Variants in FBN3 observed in about 807,000 individuals in gnomAD.
The protein encoded by FBN3 is fibrillin 3.
In FBN3, 234 loss-of-function variants were observed where a neutral mutation model predicts 330.1. The ratio of observed to expected loss-of-function variants is 0.71; its 90% confidence interval spans 0.64 to 0.79. The LOEUF (loss-of-function observed/expected upper bound fraction) is 0.79. FBN3 is among the 30% of genes least tolerant of loss of function. The pLI, the probability that FBN3 is intolerant of heterozygous loss-of-function variation, is 0.00. For synonymous variants in FBN3, 1,458 were observed against 1,517.3 expected, an observed-to-expected ratio of 0.96 and a Z score of 0.91; for missense variants, 3,606 against 3,886.9, an observed-to-expected ratio of 0.93 and a Z score of 1.92.
At chr19:8,144,856 C>T (rs920031725) in intron 6 of FBN3, 21 bp downstream of exon 6, 20 of 1,569,176 alleles carry the variant, frequency 1.3e-5, no homozygotes, top group African/African-American at 4.0e-5. Context: ...TGTCTACCTC[C>T]CACCCGCGCA....
chr19:8,093,215 T>TGGTG (rs1451312825), intron 47 of FBN3, among the ~76,000 whole-genome samples: 1 of 152,104 alleles, frequency 6.6e-6, no homozygotes, highest in African/African-American at 2.4e-5. Context: ...AGGCCGGGCA[T>TGGTG]GGTGACTCAT....
intron 38 of FBN3, among the ~76,000 whole-genome samples, 168 bp downstream of exon 38, chr19:8,105,940 T>A (rs2082427645): frequency 6.6e-6 from 1 of 152,024 alleles, no homozygotes; most frequent in African/African-American, 2.4e-5. Flanking sequence ...GCCATGAACA[T>A]CTTAAAGGCA....
Position 8,129,132 on chromosome 19 carries a change from T to C in FBN3, c.2192A>G (p.Asn731Ser). ...DCTDVDECAL[N>S]SLLCDNGWCQ... is the part of the protein sequence containing the mutation. ...CCACCCGTTGTCACACAGGAGGCTGTTGAGGGCACACTCATCCACGTCTGT... is the reference window on the plus strand; with the variant it reads ...CCACCCGTTGTCACACAGGAGGCTGCTGAGGGCACACTCATCCACGTCTGT... Residue 731 changes from asparagine to serine, a missense_variant, in exon 18 of 64, where the codon AAC becomes AGC. Asn to Ser is a conservative substitution (Grantham distance 46, BLOSUM62 1). Transcript: ENST00000600128. This position sits in a 1 kb window ranked among gnomAD's most constrained non-coding sequence, Gnocchi z 4.5. The C allele has an allele frequency of 6.2e-7, 1 of 1,612,938 alleles. No homozygotes were observed. Among genetic ancestry groups the C allele is most frequent in the South Asian group, 1.1e-5 (1 of 90,986 alleles).
In FBN3 at chr19:8,141,987, G is replaced by A. The variant is rs1163725388; in HGVS notation, c.692C>T (p.Pro231Leu). ...PCELCPAQPH[P>L]CRRGFIPNIH... ...ATTGGGGATGAAGCCGCGGCGGCAG[G>A]GGTGTGGCTGTGCAGGGCAAAGTTC... Residue 231 changes from proline to leucine, a missense_variant, in exon 7 of 64, where the codon CCC becomes CTC. Physicochemically the swap from Pro to Leu is moderately conservative, Grantham distance 98. Transcript: ENST00000600128. The A allele has an allele frequency of 6.2e-7, 1 of 1,614,046 alleles. No individual in the cohort carries two copies. Among genetic ancestry groups the A allele is most frequent in the Non-Finnish European group, 8.5e-7 (1 of 1,180,016 alleles).
intron 26 of FBN3, among the ~76,000 whole-genome samples, chr19:8,118,626 C>T (rs2082764592): frequency 1.3e-5 from 2 of 152,152 alleles, no homozygotes; most frequent in Admixed American, 1.3e-4. Flanking sequence ...CACACAGTCA[C>T]ACAAATGCAC....
chr19:8,095,946 C>A lies in FBN3; in HGVS notation c.5656+18G>T, dbSNP rs1318380047. On this transcript the variant is annotated intron_variant, in intron 45 of 63. Transcript: ENST00000600128. ...GAGAACCCACTTTGTGGCCAGCCTG[C>A]CACCTGAGCCGACTCACCCACACAA... The A allele has an allele frequency of 6.5e-7, 1 of 1,540,768 alleles. No homozygotes were observed. The highest frequency in any genetic ancestry group is 1.1e-5 in the South Asian group (1 of 89,332).
At chr19:8,103,933 C>T (rs1411137556) in intron 38 of FBN3, among the ~76,000 whole-genome samples, 1 of 151,130 alleles carries the variant, frequency 6.6e-6, no homozygotes, top group Non-Finnish European at 1.5e-5. Context: ...GCCCGGAGTT[C>T]GAGACCAGTC....
chr19:8,124,738 G>A (rs964776306), intron 22 of FBN3, among the ~76,000 whole-genome samples: 2 of 151,662 alleles, frequency 1.3e-5, no homozygotes, highest in African/African-American at 4.9e-5. Context: ...GTTTCACCAT[G>A]TTTACCAGGC....
intron 34 of FBN3, 41 bp downstream of exon 34, chr19:8,110,804 C>A: frequency 6.2e-7 from 1 of 1,613,366 alleles, no homozygotes; most frequent in Non-Finnish European, 8.5e-7. Flanking sequence ...GCCCCAACTC[C>A]TGCTCTCTCC....
In FBN3 at chr19:8,075,114, G is replaced by A. The variant is rs776946199; in HGVS notation, c.7659C>T (p.Cys2553=). The change falls in exon 61 of 64, where the codon TGC becomes TGT. Residue 2553 remains cysteine (C), a synonymous_variant. Transcript: ENST00000600128. ...GGGAGTGCTGGGTGAAACCCTGGGG[G>A]CAGCTGCAGCGGTAGCCCCCTAGCT... is the stretch of plus-strand genomic sequence containing the variant. ...QNQLGGYRCS[C]PQGFTQHSQW... is the part of the protein sequence containing the mutation. 3.8e-6 allele frequency: 6 copies of A among 1,592,792 alleles called. No individual in the cohort carries two copies. Among genetic ancestry groups the A allele is most frequent in the Non-Finnish European group, 5.1e-6 (6 of 1,169,420 alleles).
Position 8,091,341 on chromosome 19 carries a change from GACAC to G in FBN3, c.6031+120_6031+123del, listed in dbSNP as rs554745240. 954 of 1,309,060 alleles carry G rather than the reference GACAC, an allele frequency of 7.3e-4. 4 individuals carry two copies. The African/African-American group carries it at 0.012, about 17-fold the overall frequency. 81.1% of individuals were successfully genotyped at this position (1,309,060 alleles called of 1,614,324 possible). ...TAGGATAACTCTGCTAATGCAAACA[GACAC>G]CTCTGCCTGGTCAGAGCTCCCAAAG... On this transcript the variant is annotated intron_variant, in intron 48 of 63. Coordinates refer to ENST00000600128, the MANE Select transcript of FBN3 (RefSeq NM_032447.5).
At chr19:8,124,988 C>T (rs991040233) in intron 22 of FBN3, among the ~76,000 whole-genome samples, 10 of 152,202 alleles carry the variant, frequency 6.6e-5, no homozygotes, top group African/African-American at 1.7e-4. Context: ...ATGCTGTACC[C>T]GTGCAGTTTC....
chr19:8,111,801 C>CCATGGTGT (rs1232757854), intron 31 of FBN3, 31 bp from the exon 32 acceptor site: 4 of 1,607,632 alleles, frequency 2.5e-6, no homozygotes, highest in Non-Finnish European at 3.4e-6. Flanking sequence ...ACCCCCCACC[C>CCATGGTGT]CATGGTGTGT....
intron 51 of FBN3, 80 bp from the exon 52 acceptor site, chr19:8,088,259 C>T: frequency 6.7e-7 from 1 of 1,502,762 alleles, no homozygotes; most frequent in Non-Finnish European, 8.9e-7. Context: ...TGCCTGTTGA[C>T]CACCACAGAT....
chr19:8,095,295 C>T, intron 46 of FBN3, 80 bp downstream of exon 46: 3 of 1,429,902 alleles, frequency 2.1e-6, no homozygotes, highest in Admixed American at 2.2e-5. Context: ...TGGATCTATG[C>T]TCACCCAGAA....
At chr19:8,080,397 A>G (rs2081748352) in intron 59 of FBN3, among the ~76,000 whole-genome samples, 1 of 152,176 alleles carries the variant, frequency 6.6e-6, no homozygotes, top group Admixed American at 6.5e-5. Context: ...GGACTATGTG[A>G]GACCTGGGAT....
In FBN3 at chr19:8,087,702, G is replaced by T. The variant is rs536576558; in HGVS notation, c.6619+123C>A. 10 of 829,302 alleles carry T rather than the reference G, an allele frequency of 1.2e-5. No individual in the cohort carries two copies. The African/African-American group carries it at 1.2e-4, about 10-fold the overall frequency. The allele number at this position is 829,302 out of a possible 1,614,324, so 51.4% of individuals were successfully genotyped here. ...GCTCACTGCAACCTCCGCCTCCCAG[G>T]TTCAAGCGATTCTCCTGTCTCTCAG... On this transcript the variant is annotated intron_variant, in intron 53 of 63. Coordinates refer to ENST00000600128, the MANE Select transcript of FBN3 (RefSeq NM_032447.5).
rs773638710 is a variant in FBN3, at chr19:8,087,217, G to A, written c.6620-6C>T. 2 of 1,582,318 alleles carry A rather than the reference G, an allele frequency of 1.3e-6. No homozygotes were observed. Among genetic ancestry groups the A allele is most frequent in the African/African-American group, 1.4e-5 (1 of 73,954 alleles). ...ATCTGCACACTCGTCCACATCTTCG[G>A]ATGACCAGAGACAGATGGTCAGTCA... On this transcript the variant is annotated splice_region_variant and splice_polypyrimidine_tract_variant and intron_variant, in intron 53 of 63. Coordinates refer to ENST00000600128, the MANE Select transcript of FBN3 (RefSeq NM_032447.5).
At chr19:8,125,715 C>A (rs1031272382) in intron 22 of FBN3, among the ~76,000 whole-genome samples, 177 bp downstream of exon 22, 1 of 151,202 alleles carries the variant, frequency 6.6e-6, no homozygotes, top group Non-Finnish European at 1.5e-5. Context: ...CGCTTGAACC[C>A]GGGAGGCGGA....
Sources: allele counts gnomAD v4.1 joint callset (sites outside exome capture counted in the v4.1 genomes callset), GRCh38; gene constraint gnomAD v4.1.1; non-coding constraint Gnocchi (gnomAD v3.1); transcripts MANE v1.5; gene names NCBI Gene and HGNC (gene_info 2026-07-23, HGNC 2026-07-21).